Variants in NEK6 observed in about 807,000 individuals in gnomAD.
NEK6 encodes the protein serine/threonine-protein kinase Nek6.
A neutral mutation model predicts 43.5 loss-of-function variants in NEK6; 27 were observed. The ratio of observed to expected loss-of-function variants is 0.62; its 90% confidence interval spans 0.46 to 0.86. NEK6 has a LOEUF of 0.86. NEK6 is among the 40% of genes least tolerant of loss of function. The probability of loss-of-function intolerance (pLI) is 0.00; values close to 1 mark genes in which losing one functional copy is unlikely to be tolerated. For missense variants in NEK6, 318 were observed against 414.4 expected (o/e 0.77, Z 2.02); for synonymous variants, 167 against 164.1 (o/e 1.02, Z -0.14).
chr9:124,350,693 A>G, intron 9 of NEK6, 144 bp from the exon 10 acceptor site: 1 of 696,918 alleles, frequency 1.4e-6, no homozygotes, highest in Non-Finnish European at 2.6e-6. Flanking sequence ...GCCCCAGCTA[A>G]ACACCGTTCT....
intron 1 of NEK6, among the ~76,000 whole-genome samples, chr9:124,262,577 C>A (rs1378471717): frequency 6.6e-6 from 1 of 152,248 alleles, no homozygotes; most frequent in Non-Finnish European, 1.5e-5. Flanking sequence ...GCCTTCTTGG[C>A]CTCCAGCAAG....
At chr9:124,265,458 G>T (rs1831193414) in intron 1 of NEK6, 1 of 152,052 alleles carries the variant, frequency 6.6e-6, no homozygotes, top group Non-Finnish European at 1.5e-5. Context: ...GGAGGCGGAG[G>T]TTGCAGTGAG....
intron 7 of NEK6, among the ~76,000 whole-genome samples, chr9:124,334,300 A>G (rs966057233): frequency 1.1e-4 from 16 of 152,132 alleles, no homozygotes; most frequent in Non-Finnish European, 8.8e-5. Context: ...TGGATGGACG[A>G]TAGACAATTA....
At chr9:124,311,652 A>C (rs1489040977) in intron 2 of NEK6, among the ~76,000 whole-genome samples, 1 of 152,168 alleles carries the variant, frequency 6.6e-6, no homozygotes, top group Non-Finnish European at 1.5e-5. Context: ...GACACCCTAA[A>C]AAAGGCAGTT....
At chr9:124,329,371 C>T (rs1214511161) in intron 7 of NEK6, among the ~76,000 whole-genome samples, 2 of 152,208 alleles carry the variant, frequency 1.3e-5, no homozygotes, top group African/African-American at 2.4e-5. Context: ...AAGACTGTGG[C>T]GCTCCGTCAG....
At chr9:124,335,607 G>A (rs757310987) in intron 7 of NEK6, among the ~76,000 whole-genome samples, 58 of 152,370 alleles carry the variant, frequency 3.8e-4, no homozygotes, top group Non-Finnish European at 6.9e-4. Flanking sequence ...GGCACGCGCC[G>A]CCACATAGCT....
chr9:124,321,459 C>T lies in NEK6; in HGVS notation c.295C>T (p.Gln99Ter), dbSNP rs1834060466. ...DCVKEIGLLK[Q>*]LNHPNIIKYL... ...CTTCCCTCTTTCCCTCCTCATGCAG[C>T]AACTGAACCACCCAAATATCATCAA... The change falls in exon 5 of 10, where the codon CAA (glutamine) becomes TAA (stop). Residue 99 changes from glutamine to a stop codon, truncating the protein, a stop_gained and splice_region_variant. Transcript: ENST00000320246. LOFTEE classifies it high-confidence loss of function. The T allele has an allele frequency of 6.2e-7, 1 of 1,606,602 alleles. No homozygotes were observed. Among genetic ancestry groups the T allele is most frequent in the African/African-American group, 1.3e-5 (1 of 74,768 alleles).
chr9:124,341,895 C>T (rs945145678), intron 8 of NEK6, among the ~76,000 whole-genome samples: 2 of 152,164 alleles, frequency 1.3e-5, no homozygotes, highest in South Asian at 2.1e-4. Flanking sequence ...CGAACAGCCC[C>T]GGGGAGGGTG....
chr9:124,296,256 T>A (rs1832684429), intron 1 of NEK6, among the ~76,000 whole-genome samples: 1 of 152,230 alleles, frequency 6.6e-6, no homozygotes, highest in African/African-American at 2.4e-5. Context: ...AAGCTGTGTG[T>A]GCCTGAGTGT....
intron 7 of NEK6, among the ~76,000 whole-genome samples, chr9:124,332,579 A>G (rs2130991526): frequency 6.6e-6 from 1 of 152,236 alleles, no homozygotes; most frequent in South Asian, 2.1e-4. Context: ...CAGCAAGGAG[A>G]CCGCATTTCT....
intron 8 of NEK6, among the ~76,000 whole-genome samples, chr9:124,341,082 G>T (rs538366140): frequency 1.3e-5 from 2 of 152,058 alleles, no homozygotes; most frequent in African/African-American, 4.8e-5. Context: ...CACTCTTGTC[G>T]CCCGGGCTGG....
At chr9:124,346,513 G>A (rs763176733) in intron 8 of NEK6, among the ~76,000 whole-genome samples, 1 of 152,198 alleles carries the variant, frequency 6.6e-6, no homozygotes, top group Admixed American at 6.5e-5. Flanking sequence ...GCCCCTCCGG[G>A]GGGGAACCGG....
chr9:124,271,972 G>A (rs367675659), intron 1 of NEK6, among the ~76,000 whole-genome samples: 2 of 152,260 alleles, frequency 1.3e-5, no homozygotes, highest in Admixed American at 6.5e-5. Flanking sequence ...TGTGCTCCCC[G>A]TGTCTCCTGG....
intron 7 of NEK6, among the ~76,000 whole-genome samples, chr9:124,329,753 C>T (rs1165310519): frequency 3.9e-5 from 6 of 152,268 alleles, no homozygotes; most frequent in Non-Finnish European, 8.8e-5. Flanking sequence ...AGCCCAGGAC[C>T]TGTATCTCCA....
chr9:124,300,745 G>A (rs905367058), intron 1 of NEK6, among the ~76,000 whole-genome samples: 18 of 152,138 alleles, frequency 1.2e-4, no homozygotes, highest in African/African-American at 3.6e-4. Context: ...GACCTGAGAC[G>A]GGACTGGCTT....
Position 124,326,719 on chromosome 9 carries a change from G to A in NEK6, c.514+281G>A, listed in dbSNP as rs1164255055. Among the ~76,000 whole-genome samples, 1 of 152,172 alleles carries A rather than the reference G, an allele frequency of 6.6e-6. No individual in the cohort carries two copies. Among genetic ancestry groups the A allele is most frequent in the Non-Finnish European group, 1.5e-5 (1 of 68,036 alleles). ...CTGGGAGGGAGGTCGAGGAAGCCTC[G>A]CACAGAGGGGACTTTCATGGGGGCT... On this transcript the variant is annotated intron_variant, in intron 6 of 9. Transcript: ENST00000320246. The surrounding 1 kb of genome is among the most constrained non-coding windows in gnomAD (Gnocchi z 4.5).
At chr9:124,329,002 G>A (rs988889215) in intron 7 of NEK6, among the ~76,000 whole-genome samples, 4 of 152,210 alleles carry the variant, frequency 2.6e-5, no homozygotes, top group Admixed American at 6.5e-5. Context: ...AAATCCAGGC[G>A]CTCGAGAGAT....
At chr9:124,287,755 G>A (rs1324841681) in intron 1 of NEK6, among the ~76,000 whole-genome samples, 1 of 152,102 alleles carries the variant, frequency 6.6e-6, no homozygotes, top group African/African-American at 2.4e-5. Context: ...AACCTGGGAG[G>A]TGGAGGTTAC....
Position 124,350,909 on chromosome 9 carries a change from G to A in NEK6, c.904G>A (p.Val302Met). The A allele has an allele frequency of 6.2e-7, 1 of 1,611,390 alleles. No individual in the cohort carries two copies. The highest frequency in any genetic ancestry group is 8.5e-7 in the Non-Finnish European group (1 of 1,179,948). The change falls in exon 10 of 10, where the codon GTG (valine) becomes ATG (methionine). Residue 302 changes from valine to methionine, a missense_variant. This residue lies in a region of NEK6 where 79 missense variants were observed against 70.0 expected (regional missense o/e 1.13). Coordinates refer to ENST00000320246, the MANE Select transcript of NEK6 (RefSeq NM_014397.6). The part of the protein sequence containing the change: ...QRPDIGYVHQ[V>M]AKQMHIWMSS... Reference sequence around the variant, plus strand: ...ACCTGACATCGGATACGTGCACCAGGTGGCCAAGCAGATGCACATCTGGAT... The same window carrying A: ...ACCTGACATCGGATACGTGCACCAGATGGCCAAGCAGATGCACATCTGGAT...
Sources: allele counts gnomAD v4.1 joint callset (sites outside exome capture counted in the v4.1 genomes callset), GRCh38; gene constraint gnomAD v4.1.1; regional missense constraint gnomAD v4.1.1; non-coding constraint Gnocchi (gnomAD v3.1); transcripts MANE v1.5; gene names NCBI Gene and HGNC (gene_info 2026-07-23, HGNC 2026-07-21).